ZNF408: variants seen among roughly 807,000 people sequenced by gnomAD.
The protein encoded by ZNF408 is PR domain zinc finger protein 17.
A neutral mutation model predicts 27.6 loss-of-function variants in ZNF408; 24 were observed. That is an observed-to-expected ratio of 0.87 (90% confidence interval 0.63 to 1.22). ZNF408 has a LOEUF of 1.22. ZNF408 is among the 50% of genes most tolerant of loss of function. The pLI, the probability that ZNF408 is intolerant of heterozygous loss-of-function variation, is 0.00. For missense variants in ZNF408, 897 were observed against 949.0 expected, an observed-to-expected ratio of 0.95 and a Z score of 0.72; for synonymous variants, 410 against 396.1, an observed-to-expected ratio of 1.04 and a Z score of -0.42.
Position 46,705,607 on chromosome 11 carries a change from G to A in ZNF408, c.1907G>A (p.Ser636Asn), listed in dbSNP as rs755215058. ...QLSHRPEAPC[S>N]PPSVPSAASE... ...AGTCACCGGCCTGAGGCACCCTGCA[G>A]CCCACCCTCTGTGCCTTCTGCTGCT... The change falls in exon 5 of 5, where the codon AGC (serine) becomes AAC (asparagine). Residue 636 changes from serine to asparagine, a missense_variant. Physicochemically the swap from Ser to Asn is conservative, Grantham distance 46. Coordinates refer to ENST00000311764, the MANE Select transcript of ZNF408 (RefSeq NM_024741.3). The surrounding 1 kb of genome is among the most constrained non-coding windows in gnomAD (Gnocchi z 6.5). The A allele has an allele frequency of 1.2e-6, 2 of 1,611,074 alleles. No homozygotes were observed. The highest frequency in any genetic ancestry group is 1.7e-6 in the Non-Finnish European group (2 of 1,180,010).
intron 3 of ZNF408, 94 bp from the exon 4 acceptor site, chr11:46,702,890 C>T (rs1431797134): frequency 2.5e-6 from 4 of 1,595,976 alleles, no homozygotes; most frequent in East Asian, 4.5e-5. Context: ...GGCACGGCGT[C>T]CTTTAGGACC....
Position 46,701,525 on chromosome 11 carries a change from G to A in ZNF408, c.179G>A (p.Gly60Asp), listed in dbSNP as rs770022952. Residue 60 changes from glycine (G) to aspartate (D), a missense_variant, in exon 2 of 5, where the codon GGC becomes GAC. Transcript: ENST00000311764. ...CTCGCTTTAAAGAGCCTTCCCCGGG[G>A]CTTGGCCCTTGGCCCCTCACTCGCC... is the stretch of plus-strand genomic sequence containing the variant. Reference protein sequence around the residue: ...DILALKSLPRGLALGPSLAKE... With the variant: ...DILALKSLPRDLALGPSLAKE... 1 of 1,613,916 alleles carries A rather than the reference G, an allele frequency of 6.2e-7. No individual in the cohort carries two copies. The highest frequency in any genetic ancestry group is 1.1e-5 in the South Asian group (1 of 91,082).
rs1294823060 is a variant in ZNF408 at position 46,705,411 on chromosome 11, C to T, written c.1711C>T (p.Arg571Cys). 7 of 1,607,672 alleles carry T rather than the reference C, an allele frequency of 4.4e-6. No individual in the cohort carries two copies. The highest frequency in any genetic ancestry group is 4.0e-5 in the African/African-American group (3 of 74,898). The change falls in exon 5 of 5, where the codon CGC (arginine) becomes TGC (cysteine). Residue 571 changes from arginine (R) to cysteine (C), a missense_variant. Coordinates refer to ENST00000311764, the MANE Select transcript of ZNF408 (RefSeq NM_024741.3). The surrounding 1 kb of genome is among the most constrained non-coding windows in gnomAD (Gnocchi z 6.5). Reference protein sequence around the residue: ...RDPHTLRAHERLHSGERPFPC... With the variant: ...RDPHTLRAHECLHSGERPFPC... ...CCCACACACGCTCCGAGCTCACGAG[C>T]GCCTGCACTCCGGAGAGAGGCCCTT...
rs1246272616 is a variant in ZNF408 at position 46,705,416 on chromosome 11, G to A, written c.1716G>A (p.Leu572=). The change falls in exon 5 of 5, where the codon CTG becomes CTA. Residue 572 remains leucine (L), a synonymous_variant. Transcript: ENST00000311764. This position sits in a 1 kb window ranked among gnomAD's most constrained non-coding sequence, Gnocchi z 6.5. The part of the protein sequence containing the change: ...DPHTLRAHER[L]HSGERPFPCP... ...ACACGCTCCGAGCTCACGAGCGCCT[G>A]CACTCCGGAGAGAGGCCCTTTCCCT... The A allele has an allele frequency of 1.3e-5, 21 of 1,607,452 alleles. No individual in the cohort carries two copies. The highest frequency in any genetic ancestry group is 1.8e-5 in the Non-Finnish European group (21 of 1,179,332).
At position 46,705,188 on chromosome 11, in the gene ZNF408, C is replaced by T; in HGVS notation, c.1488C>T (p.Phe496=). The T allele has an allele frequency of 6.2e-7, 1 of 1,611,698 alleles. No individual in the cohort carries two copies. The highest frequency in any genetic ancestry group is 1.3e-5 in the African/African-American group (1 of 75,070). Residue 496 remains phenylalanine, a synonymous_variant, in exon 5 of 5, where the codon TTC becomes TTT. Transcript: ENST00000311764. This position sits in a 1 kb window ranked among gnomAD's most constrained non-coding sequence, Gnocchi z 6.5. ...HMRLHTGEKP[F]LCPHCGRAFR... is the part of the protein sequence containing the mutation. ...GGCTCCATACAGGAGAAAAGCCTTT[C>T]CTGTGCCCGCACTGTGGCCGGGCGT...
Position 46,704,529 on chromosome 11 carries a change from A to G in ZNF408, c.829A>G (p.Ser277Gly), listed in dbSNP as rs1450565797. The G allele has an allele frequency of 6.2e-7, 1 of 1,613,860 alleles. No individual in the cohort carries two copies. Residue 277 changes from serine to glycine, a missense_variant, in exon 5 of 5, where the codon AGC (serine) becomes GGC (glycine). By Grantham distance (56) the Ser-to-Gly change is moderately conservative. Transcript: ENST00000311764. ...GGCACAGATGCCACCTGAACTTCAG[A>G]GCAATTCGGCTACCCAGCAGGACCC... ...AQAQMPPELQSNSATQQDPDG... is the reference protein window; with the variant it reads ...AQAQMPPELQGNSATQQDPDG...
intron 2 of ZNF408, chr11:46,702,000 T>A (rs1382513173): frequency 2.1e-5 from 5 of 241,750 alleles, no homozygotes; most frequent in Non-Finnish European, 2.4e-5. Context: ...AATTCATCTG[T>A]GAAACAAAGC....
rs757472255 is a variant in ZNF408 at position 46,702,706 on chromosome 11, C to T, written c.333C>T (p.Asn111=). 1 of 1,613,918 alleles carries T rather than the reference C, an allele frequency of 6.2e-7. No homozygotes were observed. Among genetic ancestry groups the T allele is most frequent in the South Asian group, 1.1e-5 (1 of 91,074 alleles). The stretch of plus-strand genomic sequence containing the variant: ...GGACTTTTGTTGGTTTATTTCAGAA[C>T]CTGTCATTAGGCCCATGGGGAGACG... ...GEGVKPRQEE[N]LSLGPWGDVC... is the part of the protein sequence containing the mutation. The change falls in exon 3 of 5, where the codon AAC becomes AAT. Residue 111 remains asparagine (N), a splice_region_variant and synonymous_variant. Transcript: ENST00000311764.
rs376536252 is a variant in ZNF408 at position 46,705,671 on chromosome 11, A to G, written c.1971A>G (p.Gln657=). ...PTVVLLQAEP[Q]LLDTHREEEV... ...TGGTGCTCCTGCAGGCTGAGCCACAACTGCTGGACACACACAGAGAGGAGG... is the reference window on the plus strand; with the variant it reads ...TGGTGCTCCTGCAGGCTGAGCCACAGCTGCTGGACACACACAGAGAGGAGG... Residue 657 remains glutamine (Q), a synonymous_variant, in exon 5 of 5, where the codon CAA becomes CAG. Transcript: ENST00000311764. This position sits in a 1 kb window ranked among gnomAD's most constrained non-coding sequence, Gnocchi z 6.5. 8.4e-4 allele frequency: 1,352 copies of G among 1,613,840 alleles called. 24 individuals are homozygous for G. The South Asian group carries it at 0.014, about 16-fold the overall frequency.
At chr11:46,703,757 TGTTGTTGTTGTTG>T (rs1592399224) in intron 4 of ZNF408, among the ~76,000 whole-genome samples, 3 of 130,450 alleles carry the variant, frequency 2.3e-5, no homozygotes, top group African/African-American at 8.9e-5. Flanking sequence ...TTGTTGTTGT[TGTTGTTGTTGTTG>T]TTTTTTTTTT....
Position 46,705,443 on chromosome 11 carries a change from T to A in ZNF408, c.1743T>A (p.Cys581Ter). The change falls in exon 5 of 5, where the codon TGT (cysteine) becomes TGA (stop). Residue 581 changes from cysteine (C) to a stop codon, truncating the protein, a stop_gained. Coordinates refer to ENST00000311764, the MANE Select transcript of ZNF408 (RefSeq NM_024741.3). LOFTEE classifies it low-confidence loss of function (END_TRUNC). This position sits in a 1 kb window ranked among gnomAD's most constrained non-coding sequence, Gnocchi z 6.5. ...ACTCCGGAGAGAGGCCCTTTCCCTGTCCCCAGTGTGGCCGTGCTTACACGC... is the reference window on the plus strand; with the variant it reads ...ACTCCGGAGAGAGGCCCTTTCCCTGACCCCAGTGTGGCCGTGCTTACACGC... ...RLHSGERPFP[C>*]PQCGRAYTLA... 1.9e-6 allele frequency: 3 copies of A among 1,607,202 alleles called. No individual in the cohort carries two copies. Among genetic ancestry groups the A allele is most frequent in the Non-Finnish European group, 2.5e-6 (3 of 1,179,590 alleles).
chr11:46,705,387 CCA>C lies in ZNF408; in HGVS notation c.1693_1694del (p.Thr565AlafsTer67), dbSNP rs1274593315. The part of the protein sequence containing the change: ...CPVCGKALRD[P>X]HTLRAHERLH... Reference sequence around the variant, plus strand: ...GGTGTGTGGCAAGGCCCTCCGAGACCCACACACGCTCCGAGCTCACGAGCGCC... The same window carrying C: ...GGTGTGTGGCAAGGCCCTCCGAGACCCACACGCTCCGAGCTCACGAGCGCC... On this transcript the variant is annotated frameshift_variant, in exon 5 of 5. Coordinates refer to ENST00000311764, the MANE Select transcript of ZNF408 (RefSeq NM_024741.3). LOFTEE classifies it low-confidence loss of function (END_TRUNC). This position sits in a 1 kb window ranked among gnomAD's most constrained non-coding sequence, Gnocchi z 6.5. 3 of 1,608,534 alleles carry C rather than the reference CCA, an allele frequency of 1.9e-6. No individual in the cohort carries two copies. Among genetic ancestry groups the C allele is most frequent in the African/African-American group, 1.3e-5 (1 of 74,904 alleles).
At chr11:46,703,316 GT>G in intron 4 of ZNF408, 73 bp downstream of exon 4, 3 of 1,514,298 alleles carry the variant, frequency 2.0e-6, no homozygotes, top group Non-Finnish European at 2.7e-6. Flanking sequence ...ACAAAGCAGA[GT>G]TTATGGCTCA....
chr11:46,703,758 G>GTTTTTTTTTTTTTTTTTTTTTTTTTTTT lies in ZNF408; in HGVS notation c.652+517_652+518insTTTTTTTTTTTTTTTTTTTTTTTTTTTT, dbSNP rs371644247. ...TTTGTTTTGTTTTGTTGTTGTTGTT[G>GTTTTTTTTTTTTTTTTTTTTTTTTTTTT]TTGTTGTTGTTGTTTTTTTTTTTTT... On this transcript the variant is annotated intron_variant, in intron 4 of 4. Coordinates refer to ENST00000311764, the MANE Select transcript of ZNF408 (RefSeq NM_024741.3). Among the ~76,000 whole-genome samples, 2 of 94,158 alleles carry GTTTTTTTTTTTTTTTTTTTTTTTTTTTT rather than the reference G, an allele frequency of 2.1e-5. 1 individual carries two copies. The highest frequency in any genetic ancestry group is 9.4e-5 in the African/African-American group (2 of 21,348). 61.8% of individuals were successfully genotyped at this position (94,158 alleles called of 152,430 possible). A position where few individuals can be genotyped will look rare whatever the true frequency, so the allele number is the denominator to read the frequency against.
intron 4 of ZNF408, 137 bp downstream of exon 4, chr11:46,703,380 T>A (rs2064725056): frequency 1.7e-6 from 2 of 1,185,142 alleles, no homozygotes; most frequent in African/African-American, 1.6e-5. Context: ...AAATCTGTTT[T>A]AAGGTGGATC....
In ZNF408 at chr11:46,705,088, C is replaced by G. The variant is rs545799372; in HGVS notation, c.1388C>G (p.Ala463Gly). The G allele has an allele frequency of 6.2e-7, 1 of 1,612,418 alleles. No individual in the cohort carries two copies. Among genetic ancestry groups the G allele is most frequent in the South Asian group, 1.1e-5 (1 of 91,074 alleles). ...RLHRKTHQVP[A>G]APAPCPCPVC... ...CATCGCAAGACCCACCAGGTGCCAG[C>G]TGCCCCTGCCCCTTGCCCATGCCCT... The change falls in exon 5 of 5, where the codon GCT becomes GGT. Residue 463 changes from alanine to glycine, a missense_variant. By Grantham distance (60) the Ala-to-Gly change is moderately conservative. Coordinates refer to ENST00000311764, the MANE Select transcript of ZNF408 (RefSeq NM_024741.3). The surrounding 1 kb of genome is among the most constrained non-coding windows in gnomAD (Gnocchi z 6.5).
chr11:46,703,781 T>A (rs2134508573), intron 4 of ZNF408, among the ~76,000 whole-genome samples: 1 of 144,526 alleles, frequency 6.9e-6, no homozygotes, highest in Non-Finnish European at 1.5e-5. Flanking sequence ...TTTTTTTTTT[T>A]TTTTGAGATG....
chr11:46,705,899 C>A lies in ZNF408; in HGVS notation c.*36C>A, dbSNP rs1046505228. ...TTTTGCTGACACAGCTCCATAAAGA[C>A]TCGTGCTTTCTCACTGCTGCGTGTC... On this transcript the variant is annotated 3_prime_UTR_variant, in exon 5 of 5. Coordinates refer to ENST00000311764, the MANE Select transcript of ZNF408 (RefSeq NM_024741.3). This position sits in a 1 kb window ranked among gnomAD's most constrained non-coding sequence, Gnocchi z 6.5. 1 of 1,578,664 alleles carries A rather than the reference C, an allele frequency of 6.3e-7. No homozygotes were observed. The highest frequency in any genetic ancestry group is 1.3e-5 in the African/African-American group (1 of 74,206).
rs1329401089 is a variant in ZNF408, at chr11:46,703,036, A to G, written c.445A>G (p.Ile149Val). 2 of 1,614,024 alleles carry G rather than the reference A, an allele frequency of 1.2e-6. No individual in the cohort carries two copies. The highest frequency in any genetic ancestry group is 1.1e-5 in the South Asian group (1 of 91,080). ...ESEGNVAPVR[I>V]SERLHLQVYQ... ...TGAGGGAAATGTGGCCCCAGTGCGGATCAGCGAGAGGCTTCATCTGCAAGT... is the reference window on the plus strand; with the variant it reads ...TGAGGGAAATGTGGCCCCAGTGCGGGTCAGCGAGAGGCTTCATCTGCAAGT... The change falls in exon 4 of 5, where the codon ATC becomes GTC. Residue 149 changes from isoleucine (I) to valine (V), a missense_variant. By Grantham distance (29) the Ile-to-Val change is conservative (BLOSUM62 3). Transcript: ENST00000311764.
Sources: allele counts gnomAD v4.1 joint callset (sites outside exome capture counted in the v4.1 genomes callset), GRCh38; gene constraint gnomAD v4.1.1; non-coding constraint Gnocchi (gnomAD v3.1); transcripts MANE v1.5; gene names NCBI Gene and HGNC (gene_info 2026-07-23, HGNC 2026-07-21).